Variants in BABAM2 observed in about 807,000 individuals in gnomAD.
BABAM2 encodes BRISC and BRCA1 A complex member 2.
A neutral mutation model predicts 54.7 loss-of-function variants in BABAM2; 31 were observed. The ratio of observed to expected loss-of-function variants is 0.57; its 90% confidence interval spans 0.43 to 0.77. The LOEUF (loss-of-function observed/expected upper bound fraction) is 0.77, where lower values mean the gene tolerates loss of function less well. Among genes scored for constraint, BABAM2 ranks in the 30% least tolerant of loss-of-function variants. The probability of loss-of-function intolerance (pLI) is 0.00; values close to 1 mark genes in which losing one functional copy is unlikely to be tolerated. For missense variants in BABAM2, 364 were observed against 455.8 expected (o/e 0.80, Z 1.83); for synonymous variants, 167 against 162.9 (o/e 1.03, Z -0.19).
At chr2:28,196,364 A>AT (rs1406910567) in intron 7 of BABAM2, among the ~76,000 whole-genome samples, 2 of 151,708 alleles carry the variant, frequency 1.3e-5, no homozygotes, top group Admixed American at 6.6e-5. Flanking sequence ...GCATTAACAT[A>AT]TGTGTGTATG....
Position 28,062,737 on chromosome 2 carries a change from T to C in BABAM2, c.570+16938T>C, listed in dbSNP as rs576902910. Among the ~76,000 whole-genome samples, 40 of 152,340 alleles carry C rather than the reference T, an allele frequency of 2.6e-4. No homozygotes were observed. In the South Asian group the frequency reaches 8.3e-3, roughly 32 times the overall value. On this transcript the variant is annotated intron_variant, in intron 6 of 11. Transcript: ENST00000379624. ...TGCTCTTTGAAATCAATCCTTCTTATAAGCTTCCAGCATCTAGGGCTTAGT... is the reference window on the plus strand; with the variant it reads ...TGCTCTTTGAAATCAATCCTTCTTACAAGCTTCCAGCATCTAGGGCTTAGT...
intron 6 of BABAM2, among the ~76,000 whole-genome samples, chr2:28,083,712 GT>G (rs1432447974): frequency 6.6e-6 from 1 of 151,994 alleles, no homozygotes; most frequent in Non-Finnish European, 1.5e-5. Flanking sequence ...CAGTGTTTGT[GT>G]TCCTGAGGTC....
intron 7 of BABAM2, among the ~76,000 whole-genome samples, chr2:28,205,776 A>T (rs569209282): frequency 6.6e-6 from 1 of 152,334 alleles, no homozygotes; most frequent in East Asian, 1.9e-4. Context: ...TATGATATTT[A>T]TATATATCTC....
chr2:28,276,489 A>G (rs1254918011), intron 10 of BABAM2, among the ~76,000 whole-genome samples: 1 of 152,174 alleles, frequency 6.6e-6, no homozygotes, highest in African/African-American at 2.4e-5. Context: ...GCAAAGACTG[A>G]TTTATCTTCA....
chr2:27,903,129 C>G (rs1665933069), intron 2 of BABAM2, among the ~76,000 whole-genome samples: 1 of 149,544 alleles, frequency 6.7e-6, no homozygotes, highest in Non-Finnish European at 1.5e-5. Context: ...TTGACCTAGC[C>G]TCATTTATTG....
chr2:28,112,119 T>TTCTC (rs1668093489), intron 6 of BABAM2, among the ~76,000 whole-genome samples: 1 of 12,484 alleles, frequency 8.0e-5, no homozygotes, highest in African/African-American at 3.7e-4. Context: ...CTTTCTTTCT[T>TTCTC]TCTTTCTTTC....
intron 3 of BABAM2, among the ~76,000 whole-genome samples, chr2:27,965,390 T>C (rs1670760941): frequency 6.6e-6 from 1 of 152,250 alleles, no homozygotes; most frequent in African/African-American, 2.4e-5. Context: ...TAATGAACTC[T>C]TATGTACCTA....
chr2:28,310,999 C>T (rs1049845235), intron 11 of BABAM2, among the ~76,000 whole-genome samples: 3 of 152,210 alleles, frequency 2.0e-5, no homozygotes, highest in Admixed American at 6.5e-5. Context: ...CGGTGGCTCA[C>T]GCCTGTAATC....
intron 7 of BABAM2, among the ~76,000 whole-genome samples, chr2:28,181,726 T>A (rs1007144675): frequency 6.6e-6 from 1 of 151,454 alleles, no homozygotes; most frequent in African/African-American, 2.4e-5. Context: ...TTTTTGCCAT[T>A]GAAAGTAATG....
chr2:27,989,055 A>T (rs1672596294), intron 4 of BABAM2, among the ~76,000 whole-genome samples: 1 of 152,272 alleles, frequency 6.6e-6, no homozygotes, highest in Admixed American at 6.5e-5. Context: ...TATTGTTGGC[A>T]AGAGTAAGGT....
At chr2:28,196,836 CTTTTTTTT>C (rs759950166) in intron 7 of BABAM2, among the ~76,000 whole-genome samples, 3,796 of 40,210 alleles carry the variant, frequency 0.094, 121 homozygotes, top group South Asian at 0.28. Flanking sequence ...GAGACCCTGT[CTTTTTTTT>C]TTTTTTTTTT....
intron 6 of BABAM2, among the ~76,000 whole-genome samples, chr2:28,094,671 ACTC>A (rs1029407454): frequency 6.0e-5 from 9 of 151,234 alleles, no homozygotes; most frequent in African/African-American, 2.2e-4. Context: ...AAAAAATCTC[ACTC>A]CCATCCCATG....
chr2:28,292,882 A>G, intron 10 of BABAM2, among the ~76,000 whole-genome samples: 1 of 152,194 alleles, frequency 6.6e-6, no homozygotes, highest in East Asian at 1.9e-4. Context: ...ATAAGAAAGA[A>G]GGATGGAGAA....
chr2:27,960,758 G>A (rs1247742778), intron 3 of BABAM2, among the ~76,000 whole-genome samples: 1 of 152,112 alleles, frequency 6.6e-6, no homozygotes, highest in African/African-American at 2.4e-5. Flanking sequence ...GGAGATCAGG[G>A]ACCTGGAACT....
rs1664770813 is a variant in BABAM2, at chr2:27,890,923, CA to C, written c.-25+82del. The C allele has an allele frequency of 6.6e-6, 1 of 152,604 alleles. No homozygotes were observed. The highest frequency in any genetic ancestry group is 2.4e-5 in the African/African-American group (1 of 41,412). 9.5% of individuals were successfully genotyped at this position (152,604 alleles called of 1,614,324 possible). On this transcript the variant is annotated intron_variant, in intron 1 of 11. Transcript: ENST00000379624. This position sits in a 1 kb window ranked among gnomAD's most constrained non-coding sequence, Gnocchi z 4.8. ...TGGAGAACTGTGGTTTAAATATGGCCAGGGGACTCGCCTCCTCTTCCTATGG... is the reference window on the plus strand; with the variant it reads ...TGGAGAACTGTGGTTTAAATATGGCCGGGGACTCGCCTCCTCTTCCTATGG...
intron 10 of BABAM2, among the ~76,000 whole-genome samples, chr2:28,260,275 GT>G (rs1270491098): frequency 2.1e-5 from 3 of 142,636 alleles, no homozygotes; most frequent in African/African-American, 7.7e-5. Flanking sequence ...TGTAGTATAA[GT>G]TTTTTAACTT....
intron 4 of BABAM2, chr2:28,015,813 T>G (rs1256596401): frequency 1.0e-6 from 1 of 989,856 alleles, no homozygotes; most frequent in Non-Finnish European, 1.4e-6. Context: ...CTCATGCTTC[T>G]TTTTCTGTTT....
At chr2:28,280,816 T>C (rs1341210323) in intron 10 of BABAM2, among the ~76,000 whole-genome samples, 1 of 152,130 alleles carries the variant, frequency 6.6e-6, no homozygotes, top group African/African-American at 2.4e-5. Context: ...AATGAGCCAT[T>C]TGGCCTCCAG....
At position 28,244,836 on chromosome 2, in the gene BABAM2, G is replaced by T; in HGVS notation, c.908G>T (p.Trp303Leu). 6.2e-7 allele frequency: 1 copy of T among 1,613,878 alleles called. No homozygotes were observed. The highest frequency in any genetic ancestry group is 8.5e-7 in the Non-Finnish European group (1 of 1,179,944). ...ACAAAACTCACTCTGCTGCTGATGT[G>T]GAAAGATTTTTGTTTTCTTGTACAC... ...GFTKLTLLLM[W>L]KDFCFLVHID... The change falls in exon 10 of 12, where the codon TGG becomes TTG. Residue 303 changes from tryptophan to leucine, a missense_variant. Trp to Leu is a moderately conservative substitution (Grantham distance 61). Coordinates refer to ENST00000379624, the MANE Select transcript of BABAM2 (RefSeq NM_199191.3).
Sources: allele counts gnomAD v4.1 joint callset (sites outside exome capture counted in the v4.1 genomes callset), GRCh38; gene constraint gnomAD v4.1.1; non-coding constraint Gnocchi (gnomAD v3.1); transcripts MANE v1.5; gene names NCBI Gene and HGNC (gene_info 2026-07-23, HGNC 2026-07-21).